Variants in SYT1 observed in about 807,000 individuals in gnomAD.
The protein encoded by SYT1 is synaptotagmin-1.
In SYT1, 8 loss-of-function variants were observed where a neutral mutation model predicts 44.8. The ratio of observed to expected loss-of-function variants is 0.18; its 90% CI spans 0.10 to 0.32. SYT1 has a LOEUF of 0.32. Among genes scored for constraint, SYT1 ranks in the 10% least tolerant of loss-of-function variants. The pLI, the probability that SYT1 is intolerant of heterozygous loss-of-function variation, is 1.00. For synonymous variants in SYT1, 154 were observed against 188.8 expected (o/e 0.82, Z 1.51); for missense variants, 286 against 509.3 (o/e 0.56, Z 4.22).
chr12:78,968,312 T>C (rs763148222), intron 1 of SYT1, among the ~76,000 whole-genome samples: 38 of 152,198 alleles, frequency 2.5e-4, no homozygotes, highest in Non-Finnish European at 4.3e-4. Context: ...AGGCAATATA[T>C]TGAATGTACA....
intron 8 of SYT1, among the ~76,000 whole-genome samples, chr12:79,317,846 T>C (rs1277966257): frequency 6.6e-6 from 1 of 152,154 alleles, no homozygotes; most frequent in Non-Finnish European, 1.5e-5. Context: ...TTCATGGACC[T>C]TAAGGCGGGA....
intron 3 of SYT1, among the ~76,000 whole-genome samples, chr12:79,215,334 G>T (rs1874717724): frequency 6.6e-6 from 1 of 151,958 alleles, no homozygotes; most frequent in Admixed American, 6.6e-5. Context: ...ATGGAGCAAT[G>T]GAACAAATTA....
chr12:79,400,399 G>GT (rs1471253615), intron 9 of SYT1, among the ~76,000 whole-genome samples: 1 of 152,080 alleles, frequency 6.6e-6, no homozygotes, highest in Non-Finnish European at 1.5e-5. Flanking sequence ...GCAAAATTAA[G>GT]TTTTTTCCTA....
chr12:78,920,705 G>C (rs1391348738), intron 1 of SYT1, among the ~76,000 whole-genome samples: 2 of 151,848 alleles, frequency 1.3e-5, no homozygotes, highest in Non-Finnish European at 2.9e-5. Flanking sequence ...AACCTTCTAT[G>C]ATCTATTCAG....
chr12:78,869,211 C>CA (rs1020675827), intron 1 of SYT1, among the ~76,000 whole-genome samples: 57 of 149,272 alleles, frequency 3.8e-4, no homozygotes, highest in Non-Finnish European at 4.6e-4. Flanking sequence ...TTAACATTTC[C>CA]AAAAAAAAAG....
At chr12:79,370,233 A>G (rs912713790) in intron 9 of SYT1, among the ~76,000 whole-genome samples, 2 of 152,236 alleles carry the variant, frequency 1.3e-5, no homozygotes, top group Non-Finnish European at 2.9e-5. Context: ...AGGGTCATGC[A>G]GAGGGCAGAT....
chr12:79,150,196 A>G (rs1400450541), intron 3 of SYT1, among the ~76,000 whole-genome samples: 2 of 152,184 alleles, frequency 1.3e-5, no homozygotes, highest in Admixed American at 6.5e-5. Flanking sequence ...TGAACCGTAC[A>G]TTATTACTAA....
intron 3 of SYT1, among the ~76,000 whole-genome samples, chr12:79,084,803 A>G (rs1877270681): frequency 6.6e-6 from 1 of 152,162 alleles, no homozygotes; most frequent in Non-Finnish European, 1.5e-5. Flanking sequence ...TGTGTATTAT[A>G]GAATTTGATA....
chr12:78,976,717 C>A (rs968147116), intron 1 of SYT1: 5 of 151,978 alleles, frequency 3.3e-5, no homozygotes, highest in African/African-American at 9.7e-5. Context: ...TCACTGGAAT[C>A]GACAAAACCT....
intron 9 of SYT1, among the ~76,000 whole-genome samples, chr12:79,385,586 C>T (rs1884405167): frequency 1.3e-5 from 2 of 151,986 alleles, no homozygotes; most frequent in South Asian, 4.2e-4. Context: ...ATTTATAATT[C>T]AAGATGGTAT....
intron 3 of SYT1, among the ~76,000 whole-genome samples, chr12:79,087,225 T>C (rs957429833): frequency 1.3e-5 from 2 of 152,158 alleles, no homozygotes; most frequent in South Asian, 2.1e-4. Flanking sequence ...TCTGTGACTT[T>C]CATTGCAAAT....
At chr12:79,240,915 G>A (rs1247120919) in intron 4 of SYT1, among the ~76,000 whole-genome samples, 2 of 152,180 alleles carry the variant, frequency 1.3e-5, no homozygotes, top group African/African-American at 4.8e-5. Context: ...GCTCACACGT[G>A]TAATCCCAAC....
intron 2 of SYT1, among the ~76,000 whole-genome samples, chr12:79,027,685 T>C (rs552056702): frequency 4.6e-5 from 7 of 151,578 alleles, no homozygotes; most frequent in African/African-American, 1.7e-4. Context: ...AAAGAAGAAG[T>C]CAAACTAAAA....
At chr12:78,961,575 C>CT (rs1340699370) in intron 1 of SYT1, among the ~76,000 whole-genome samples, 1 of 151,870 alleles carries the variant, frequency 6.6e-6, no homozygotes, top group African/African-American at 2.4e-5. Flanking sequence ...ACTATGTCTC[C>CT]TATAGTAGGT....
chr12:79,216,973 G>A (rs887797886), intron 3 of SYT1, among the ~76,000 whole-genome samples: 3 of 152,020 alleles, frequency 2.0e-5, no homozygotes, highest in Non-Finnish European at 4.4e-5. Context: ...ACCAATTACT[G>A]TAATATATTC....
intron 3 of SYT1, among the ~76,000 whole-genome samples, chr12:79,078,086 T>A (rs1414448191): frequency 1.3e-5 from 2 of 152,196 alleles, no homozygotes; most frequent in African/African-American, 4.8e-5. Flanking sequence ...CTCTAAAATT[T>A]CAATAAGCTT....
chr12:79,424,420 G>A (rs781589447), intron 9 of SYT1, among the ~76,000 whole-genome samples: 3 of 152,116 alleles, frequency 2.0e-5, no homozygotes, highest in Admixed American at 6.5e-5. Context: ...ATTTGCAAAG[G>A]TTTTAGTGAA....
chr12:79,094,147 T>A (rs895361752), intron 3 of SYT1, among the ~76,000 whole-genome samples: 2 of 151,784 alleles, frequency 1.3e-5, no homozygotes, highest in Non-Finnish European at 3.0e-5. Flanking sequence ...TTATCTAATT[T>A]AGTTTAGCAA....
At chr12:79,004,573 T>C (rs1870956681) in intron 2 of SYT1, among the ~76,000 whole-genome samples, 1 of 152,002 alleles carries the variant, frequency 6.6e-6, no homozygotes, top group Non-Finnish European at 1.5e-5. Flanking sequence ...ATAAGAAAGA[T>C]TTGATGTTGC....
Sources: allele counts gnomAD v4.1 joint callset (sites outside exome capture counted in the v4.1 genomes callset), GRCh38; gene constraint gnomAD v4.1.1; transcripts MANE v1.5; gene names NCBI Gene and HGNC (gene_info 2026-07-23, HGNC 2026-07-21).